HMGB1: variants seen among roughly 807,000 people sequenced by gnomAD.
HMGB1 encodes high mobility group box 1, also known as high mobility group protein B1.
For missense variants in HMGB1, 79 were observed against 253.5 expected, an observed-to-expected ratio of 0.31 and a Z score of 4.67; for synonymous variants, 81 against 84.0, an observed-to-expected ratio of 0.96 and a Z score of 0.19.
intron 1 of HMGB1, among the ~76,000 whole-genome samples, chr13:30,483,621 T>TC (rs892167015): frequency 2.7e-5 from 4 of 150,304 alleles, no homozygotes; most frequent in African/African-American, 9.8e-5. Flanking sequence ...AAATTTCTTT[T>TC]TTTTTTTTTT....
intron 1 of HMGB1, among the ~76,000 whole-genome samples, chr13:30,537,155 C>A (rs769843656): frequency 6.6e-6 from 1 of 152,164 alleles, no homozygotes; most frequent in Non-Finnish European, 1.5e-5. Context: ...TAGAATGTTA[C>A]AGGCATTTCT....
intron 1 of HMGB1, among the ~76,000 whole-genome samples, chr13:30,565,354 G>A (rs951795756): frequency 3.5e-4 from 53 of 152,176 alleles, no homozygotes; most frequent in Non-Finnish European, 8.8e-5. Flanking sequence ...CAAGGGGAAT[G>A]CTATAATTTT....
At chr13:30,493,763 C>T (rs1233174820) in intron 1 of HMGB1, among the ~76,000 whole-genome samples, 5 of 152,034 alleles carry the variant, frequency 3.3e-5, no homozygotes, top group Non-Finnish European at 2.9e-5. Flanking sequence ...CACCACAGCA[C>T]TCCAGCCTGG....
upstream of HMGB1, among the ~76,000 whole-genome samples, chr13:30,470,010 T>A (rs1886883500): frequency 6.6e-6 from 1 of 151,540 alleles, no homozygotes; most frequent in African/African-American, 2.4e-5. Context: ...ACTCATGGGC[T>A]CAAGTGATCC....
intron 1 of HMGB1, among the ~76,000 whole-genome samples, chr13:30,566,406 T>TA (rs1181361584): frequency 1.3e-5 from 2 of 152,256 alleles, no homozygotes; most frequent in East Asian, 3.8e-4. Flanking sequence ...TCTGCCACTG[T>TA]AGGGCAAAAG....
intron 1 of HMGB1, among the ~76,000 whole-genome samples, chr13:30,615,774 C>A (rs1950554633): frequency 6.6e-6 from 1 of 152,140 alleles, no homozygotes; most frequent in African/African-American, 2.4e-5. Flanking sequence ...GGTGCACGAG[C>A]TGACATCGTG....
intron 1 of HMGB1, among the ~76,000 whole-genome samples, chr13:30,477,015 C>T (rs1332260757): frequency 6.6e-6 from 1 of 152,136 alleles, no homozygotes; most frequent in Non-Finnish European, 1.5e-5. Context: ...ACAATATTGA[C>T]CCAGTTCTGA....
intron 1 of HMGB1, among the ~76,000 whole-genome samples, chr13:30,606,652 C>G (rs1950461698): frequency 6.6e-6 from 1 of 152,168 alleles, no homozygotes; most frequent in Admixed American, 6.5e-5. Context: ...GCTCTACATG[C>G]TTATGTCTAT....
At chr13:30,577,600 AT>A (rs1870715115) in intron 1 of HMGB1, among the ~76,000 whole-genome samples, 1 of 152,176 alleles carries the variant, frequency 6.6e-6, no homozygotes, top group African/African-American at 2.4e-5. Flanking sequence ...ACCTAGCAGT[AT>A]CACTGTGGGT....
intron 3 of HMGB1, 100 bp downstream of exon 3, chr13:30,463,107 T>A: frequency 8.6e-7 from 1 of 1,165,660 alleles, no homozygotes; most frequent in African/African-American, 1.6e-5. Context: ...GAAACTTTGA[T>A]TGTACATTTA....
intron 1 of HMGB1, among the ~76,000 whole-genome samples, chr13:30,560,941 G>GC (rs531135020): frequency 1.4e-5 from 2 of 146,296 alleles, no homozygotes; most frequent in East Asian, 4.0e-4. Context: ...GGTTATATAT[G>GC]TTTTTTTTTT....
chr13:30,471,565 G>T (rs1886933310), intron 1 of HMGB1, among the ~76,000 whole-genome samples: 1 of 148,606 alleles, frequency 6.7e-6, no homozygotes, highest in Non-Finnish European at 1.5e-5. Flanking sequence ...ATGTTAGCCA[G>T]GCTGGTCTCG....
intron 1 of HMGB1, among the ~76,000 whole-genome samples, chr13:30,591,927 A>G (rs1428778074): frequency 6.6e-6 from 1 of 152,172 alleles, no homozygotes; most frequent in East Asian, 1.9e-4. Flanking sequence ...TACTGTGGGT[A>G]GCGCAATAAC....
At chr13:30,548,318 T>A (rs1332877739) in intron 1 of HMGB1, among the ~76,000 whole-genome samples, 1 of 152,156 alleles carries the variant, frequency 6.6e-6, no homozygotes, top group African/African-American at 2.4e-5. Context: ...AAGAAAGACC[T>A]TTTTGGTTCC....
At chr13:30,463,779 A>T in intron 1 of HMGB1, 85 bp from the exon 2 acceptor site, 1 of 820,550 alleles carries the variant, frequency 1.2e-6, no homozygotes, top group Non-Finnish European at 1.9e-6. Context: ...AATGAAAACC[A>T]AAGTACTGGT....
chr13:30,485,034 C>T (rs201954814), intron 1 of HMGB1, among the ~76,000 whole-genome samples: 8 of 134,562 alleles, frequency 5.9e-5, no homozygotes, highest in East Asian at 4.3e-4. Context: ...TTTTCTTTTT[C>T]TTTTTTTTTT....
chr13:30,567,602 G>A (rs1593316764), intron 1 of HMGB1, among the ~76,000 whole-genome samples: 1 of 152,006 alleles, frequency 6.6e-6, no homozygotes, highest in Non-Finnish European at 1.5e-5. Flanking sequence ...CGCCCGCCTC[G>A]GCCTCCCAAA....
At chr13:30,493,656 A>T (rs1255670429) in intron 1 of HMGB1, among the ~76,000 whole-genome samples, 2 of 152,104 alleles carry the variant, frequency 1.3e-5, no homozygotes, top group African/African-American at 4.8e-5. Context: ...AAAATTAGCC[A>T]GGCGAGGCGC....
At chr13:30,461,564 G>C in intron 4 of HMGB1, 31 bp from the exon 5 acceptor site, 2 of 1,569,558 alleles carry the variant, frequency 1.3e-6, no homozygotes, top group Non-Finnish European at 1.7e-6. Flanking sequence ...TAAAACAGTA[G>C]GGAAGAAAAA....
Sources: gnomAD v4.1 joint callset for allele counts (sites outside exome capture counted in the v4.1 genomes callset) on GRCh38, gnomAD v4.1.1 for gene constraint, MANE v1.5 for transcripts, NCBI Gene and HGNC (gene_info 2026-07-23, HGNC 2026-07-21) for gene names.